The following TSHR variants were observed in gnomAD, a reference collection of about 807,000 sequenced individuals.
TSHR encodes the protein thyroid stimulating hormone receptor, also known as thyrotropin receptor.
Under a neutral mutation model 64.1 loss-of-function variants are expected in TSHR, and 51 were observed. The observed-to-expected ratio is 0.80, with a 90% confidence interval of 0.64 to 1.01. The LOEUF (loss-of-function observed/expected upper bound fraction) is 1.01, where lower values mean the gene tolerates loss of function less well. TSHR is among the 50% of genes least tolerant of loss of function. The pLI is 0.00. For synonymous variants in TSHR, 361 were observed against 361.9 expected (o/e 1.00, Z 0.03); for missense variants, 877 against 942.8 (o/e 0.93, Z 0.91).
At chr14:81,035,175 T>G (rs191046024) in intron 1 of TSHR, among the ~76,000 whole-genome samples, 2 of 152,340 alleles carry the variant, frequency 1.3e-5, no homozygotes, top group East Asian at 1.9e-4. Context: ...CCCTGAAAAG[T>G]AATGATTGAG....
At chr14:81,110,259 G>A (rs1194247985) in intron 8 of TSHR, among the ~76,000 whole-genome samples, 1 of 152,224 alleles carries the variant, frequency 6.6e-6, no homozygotes, top group Non-Finnish European at 1.5e-5. Flanking sequence ...GTATGTGACT[G>A]TATTTGAAGA....
chr14:81,143,446 T>TG lies in TSHR; in HGVS notation c.1392dup (p.Met465AspfsTer16). 6.2e-7 allele frequency: 1 copy of TG among 1,614,200 alleles called. No homozygotes were observed. On this transcript the variant is annotated frameshift_variant, in exon 10 of 10. Coordinates refer to ENST00000298171, the MANE Select transcript of TSHR (RefSeq NM_000369.5). LOFTEE classifies it high-confidence loss of function. Reference sequence around the variant, plus strand: ...AACCTGGCCTTTGCGGATTTCTGCATGGGGATGTACCTGCTCCTCATCGCC... The same window carrying TG: ...AACCTGGCCTTTGCGGATTTCTGCATGGGGGATGTACCTGCTCCTCATCGCC...
rs573606933 is a variant in TSHR at position 81,018,551 on chromosome 14, A to G, written c.171-43597A>G. 1.7e-3 allele frequency among the ~76,000 whole-genome samples: 253 copies of G among 152,346 alleles called. 1 individual carries two copies. Among genetic ancestry groups the G allele is most frequent in the African/African-American group, 5.8e-3 (243 of 41,578 alleles). On this transcript the variant is annotated intron_variant, in intron 1 of 9. Coordinates refer to ENST00000298171, the MANE Select transcript of TSHR (RefSeq NM_000369.5). ...CTGTGTGGGGGACACTGAGCACCGA[A>G]GAGTTGGAGGGAAAGCCCCAGGGAG...
intron 1 of TSHR, among the ~76,000 whole-genome samples, chr14:80,991,313 TA>T (rs1015148531): frequency 6.6e-6 from 1 of 151,862 alleles, no homozygotes; most frequent in African/African-American, 2.4e-5. Context: ...TTTACCTACT[TA>T]AAAAAAAGCC....
chr14:81,096,462 A>T (rs1406536778), intron 6 of TSHR, among the ~76,000 whole-genome samples, 177 bp from the exon 7 acceptor site: 1 of 152,222 alleles, frequency 6.6e-6, no homozygotes, highest in Admixed American at 6.5e-5. Flanking sequence ...AAACTGAGAA[A>T]TATTATCTTG....
chr14:81,046,082 C>T (rs1442012904), intron 1 of TSHR, among the ~76,000 whole-genome samples: 1 of 152,150 alleles, frequency 6.6e-6, no homozygotes, highest in Non-Finnish European at 1.5e-5. Context: ...ACACTTCTGC[C>T]ACATTCTATA....
intron 1 of TSHR, among the ~76,000 whole-genome samples, chr14:81,027,185 G>A (rs140671584): frequency 1.9e-4 from 29 of 151,998 alleles, no homozygotes; most frequent in African/African-American, 5.3e-4. Flanking sequence ...ATTGTAGATC[G>A]AGAACACAGG....
intron 8 of TSHR, among the ~76,000 whole-genome samples, chr14:81,122,907 C>T (rs1004046061): frequency 5.3e-5 from 8 of 152,106 alleles, no homozygotes; most frequent in African/African-American, 1.9e-4. Flanking sequence ...GTGTGGATCA[C>T]TTGAGGTCAG....
chr14:81,076,312 A>T (rs953437124), intron 3 of TSHR, among the ~76,000 whole-genome samples: 25 of 152,136 alleles, frequency 1.6e-4, no homozygotes, highest in African/African-American at 5.3e-4. Context: ...AGCTATAATT[A>T]TTGGGCTTTC....
At position 81,094,679 on chromosome 14, in the gene TSHR, A is replaced by ATTTTTTTTTTTTTTTTTTTTTTTTT. The variant is rs1162262371; in HGVS notation, c.546-1936_546-1935insTTTTTTTTTTTTTTTTTTTTTTTTT. On this transcript the variant is annotated intron_variant, in intron 6 of 9. Coordinates refer to ENST00000298171, the MANE Select transcript of TSHR (RefSeq NM_000369.5). ...CTCCTTTTATTTATTTATTTTTTTAATTTTTTTTTTTTTTTTTTTTTTTTG... is the reference window on the plus strand; with the variant it reads ...CTCCTTTTATTTATTTATTTTTTTAATTTTTTTTTTTTTTTTTTTTTTTTTTTTTTTTTTTTTTTTTTTTTTTTTG... 5.4e-4 allele frequency among the ~76,000 whole-genome samples: 41 copies of ATTTTTTTTTTTTTTTTTTTTTTTTT among 76,262 alleles called. 3 individuals carry two copies. The highest frequency in any genetic ancestry group is 3.5e-3 in the East Asian group (7 of 1,988). 50.0% of individuals were successfully genotyped at this position (76,262 alleles called of 152,430 possible).
At chr14:81,096,736 C>T (rs1309793846) in intron 7 of TSHR, 29 bp downstream of exon 7, 1 of 1,609,150 alleles carries the variant, frequency 6.2e-7, no homozygotes, top group African/African-American at 1.3e-5. Context: ...TGAAAACTGT[C>T]ACTTTCCCTT....
chr14:81,143,622 G>A lies in TSHR; in HGVS notation c.1564G>A (p.Ala522Thr), dbSNP rs375800175. 6.6e-5 allele frequency: 107 copies of A among 1,613,830 alleles called. No individual in the cohort carries two copies. Among genetic ancestry groups the A allele is most frequent in the Non-Finnish European group, 8.6e-5 (101 of 1,180,054 alleles). The stretch of plus-strand genomic sequence containing the variant: ...GGTCATCACCCTGGAGCGCTGGTAT[G>A]CCATCACCTTCGCCATGCGCCTGGA... ...LTVITLERWY[A>T]ITFAMRLDRK... The change falls in exon 10 of 10, where the codon GCC becomes ACC. Residue 522 changes from alanine to threonine, a missense_variant. Ala to Thr is a moderately conservative substitution (Grantham distance 58). Transcript: ENST00000298171.
rs149789138 is a variant in TSHR at position 81,144,119 on chromosome 14, G to A, written c.2061G>A (p.Arg687=). The change falls in exon 10 of 10, where the codon AGG becomes AGA. Residue 687 remains arginine (R), a synonymous_variant. Transcript: ENST00000298171. Reference sequence around the variant, plus strand: ...CTATTTTCACCAAGGCCTTCCAGAGGGATGTGTTCATCCTACTCAGCAAGT... The same window carrying A: ...CTATTTTCACCAAGGCCTTCCAGAGAGATGTGTTCATCCTACTCAGCAAGT... ...LYAIFTKAFQ[R]DVFILLSKFG... The A allele has an allele frequency of 6.2e-7, 1 of 1,614,076 alleles. No individual in the cohort carries two copies. Among genetic ancestry groups the A allele is most frequent in the African/African-American group, 1.3e-5 (1 of 74,992 alleles).
intron 1 of TSHR, among the ~76,000 whole-genome samples, chr14:80,978,298 C>A (rs1436071186): frequency 2.6e-5 from 4 of 152,164 alleles, no homozygotes; most frequent in African/African-American, 9.7e-5. Context: ...TCCTCATCAC[C>A]AGCTTGCAGG....
At chr14:81,027,649 C>G (rs1884138884) in intron 1 of TSHR, among the ~76,000 whole-genome samples, 1 of 151,918 alleles carries the variant, frequency 6.6e-6, no homozygotes, top group South Asian at 2.1e-4. Context: ...ATAACTTTTT[C>G]AAATGTGTAA....
intron 1 of TSHR, among the ~76,000 whole-genome samples, chr14:80,985,008 T>C (rs1594918916): frequency 1.3e-5 from 2 of 152,306 alleles, no homozygotes; most frequent in Admixed American, 1.3e-4. Flanking sequence ...CCTAGCACTT[T>C]GGGAAGCCGA....
At chr14:81,075,800 T>C (rs1887458807) in intron 3 of TSHR, among the ~76,000 whole-genome samples, 1 of 151,958 alleles carries the variant, frequency 6.6e-6, no homozygotes, top group African/African-American at 2.4e-5. Context: ...ACTGAGTATA[T>C]ACCCAAAGGA....
chr14:81,019,457 C>CTTTTTTTTTTTTTT (rs1166193901), intron 1 of TSHR, among the ~76,000 whole-genome samples: 3 of 118,388 alleles, frequency 2.5e-5, no homozygotes. Context: ...ATCATCAATT[C>CTTTTTTTTTTTTTT]TTTTTTTTTT....
At chr14:81,043,776 A>G (rs954375225) in intron 1 of TSHR, among the ~76,000 whole-genome samples, 3 of 152,200 alleles carry the variant, frequency 2.0e-5, no homozygotes, top group African/African-American at 4.8e-5. Context: ...CTCGGAAACA[A>G]GTCCACACAC....
Sources: gnomAD v4.1 joint callset for allele counts (sites outside exome capture counted in the v4.1 genomes callset) on GRCh38, gnomAD v4.1.1 for gene constraint, MANE v1.5 for transcripts, NCBI Gene and HGNC (gene_info 2026-07-23, HGNC 2026-07-21) for gene names.